Variants in CCSER1 observed in about 807,000 individuals in gnomAD.
The protein encoded by CCSER1 is serine-rich coiled-coil domain-containing protein 1.
In CCSER1, 41 loss-of-function variants were observed where a neutral mutation model predicts 82.0. That is an observed-to-expected ratio of 0.50 (90% confidence interval 0.39 to 0.65). The LOEUF is 0.65. Ranked by LOEUF, CCSER1 falls within the 30% of genes least tolerant of loss-of-function variation. CCSER1 has a pLI of 0.00. For synonymous variants in CCSER1, 414 were observed against 383.9 expected (o/e 1.08, Z -0.92); for missense variants, 1,119 against 1,064.2 (o/e 1.05, Z -0.72).
chr4:90,529,308 A>C (rs1774193348), intron 5 of CCSER1, among the ~76,000 whole-genome samples: 1 of 152,066 alleles, frequency 6.6e-6, no homozygotes, highest in African/African-American at 2.4e-5. Flanking sequence ...TCCGACTCTC[A>C]GGATCAAGTA....
At chr4:91,569,107 A>G (rs187104821) in intron 10 of CCSER1, among the ~76,000 whole-genome samples, 142 of 152,292 alleles carry the variant, frequency 9.3e-4, no homozygotes, top group Admixed American at 2.1e-3. Context: ...AAGGTGGTAC[A>G]TTAGTGAGGT....
chr4:90,267,373 G>T lies in CCSER1; in HGVS notation c.-41-40871G>T, dbSNP rs561717017. On this transcript the variant is annotated intron_variant, in intron 1 of 10. Transcript: ENST00000509176. ...CCTAAGGTTTCTGACTATAAGCACT[G>T]GCTCCTGGACAGCATCTCTGGACCC... is the stretch of plus-strand genomic sequence containing the variant. Among the ~76,000 whole-genome samples, 4 of 152,220 alleles carry T rather than the reference G, an allele frequency of 2.6e-5. 1 individual carries two copies. The highest frequency in any genetic ancestry group is 2.6e-4 in the Admixed American group (4 of 15,294).
chr4:90,707,815 C>T (rs1739694263), intron 6 of CCSER1, among the ~76,000 whole-genome samples: 1 of 152,066 alleles, frequency 6.6e-6, no homozygotes, highest in Admixed American at 6.6e-5. Flanking sequence ...AGCCACCTAC[C>T]TCAGGCAGCA....
intron 10 of CCSER1, among the ~76,000 whole-genome samples, chr4:91,534,251 T>C (rs570879533): frequency 1.3e-5 from 2 of 152,100 alleles, no homozygotes; most frequent in Non-Finnish European, 2.9e-5. Flanking sequence ...CTCTTAAATC[T>C]GCTATGTGCA....
chr4:91,353,003 G>T (rs1239966146), intron 10 of CCSER1, among the ~76,000 whole-genome samples: 1 of 152,180 alleles, frequency 6.6e-6, no homozygotes, highest in African/African-American at 2.4e-5. Flanking sequence ...AGATAGGGTG[G>T]CCAGGAAGTT....
intron 10 of CCSER1, among the ~76,000 whole-genome samples, chr4:91,187,968 C>T (rs931853030): frequency 6.6e-6 from 1 of 151,910 alleles, no homozygotes; most frequent in African/African-American, 2.4e-5. Flanking sequence ...TTAAATGTTG[C>T]TATGATAGTA....
chr4:90,665,354 T>C (rs934568996), intron 6 of CCSER1, among the ~76,000 whole-genome samples: 11 of 151,318 alleles, frequency 7.3e-5, no homozygotes, highest in Admixed American at 2.6e-4. Context: ...GACGGAGTCT[T>C]GCTGTCGCCC....
rs113809164 is a variant in CCSER1 at position 90,850,195 on chromosome 4, A to G, written c.2094+34350A>G. 6.0e-3 allele frequency among the ~76,000 whole-genome samples: 908 copies of G among 152,300 alleles called. 5 individuals are homozygous for G. The highest frequency in any genetic ancestry group is 0.021 in the African/African-American group (853 of 41,560). On this transcript the variant is annotated intron_variant, in intron 8 of 10. Coordinates refer to ENST00000509176, the MANE Select transcript of CCSER1 (RefSeq NM_001145065.2). The stretch of plus-strand genomic sequence containing the variant: ...AATTGAGGTTTGGGAACCTCTGCCT[A>G]GATTTCAGAGGATGTATGGAAACAC...
intron 6 of CCSER1, among the ~76,000 whole-genome samples, chr4:90,657,857 A>G (rs1041498858): frequency 6.6e-6 from 1 of 152,186 alleles, no homozygotes; most frequent in Admixed American, 6.5e-5. Flanking sequence ...TAATCCCAGC[A>G]CTTTGGGAGG....
At chr4:91,303,766 A>C (rs1008461021) in intron 10 of CCSER1, among the ~76,000 whole-genome samples, 1 of 152,084 alleles carries the variant, frequency 6.6e-6, no homozygotes, top group Non-Finnish European at 1.5e-5. Flanking sequence ...CTGCGCTCCA[A>C]CCTGGACAAT....
intron 5 of CCSER1, among the ~76,000 whole-genome samples, chr4:90,519,335 G>C (rs1006818368): frequency 3.3e-5 from 5 of 151,688 alleles, no homozygotes; most frequent in African/African-American, 1.2e-4. Flanking sequence ...TATTATAAAT[G>C]TTTTCCCAGA....
chr4:90,226,635 T>G (rs930826609), intron 1 of CCSER1, among the ~76,000 whole-genome samples: 13 of 152,238 alleles, frequency 8.5e-5, no homozygotes, highest in Non-Finnish European at 1.8e-4. Context: ...TATATTTAAC[T>G]TCAGTGTGAT....
intron 5 of CCSER1, among the ~76,000 whole-genome samples, chr4:90,607,944 G>A (rs983414104): frequency 1.3e-5 from 2 of 152,184 alleles, no homozygotes; most frequent in African/African-American, 4.8e-5. Flanking sequence ...TAACACATAA[G>A]CATACTGGAG....
chr4:91,550,979 A>G (rs186167492), intron 10 of CCSER1, among the ~76,000 whole-genome samples: 1 of 152,266 alleles, frequency 6.6e-6, no homozygotes, highest in East Asian at 1.9e-4. Flanking sequence ...TAAGAACATA[A>G]AGTATTTTCT....
At chr4:90,811,987 TATAAACAC>T (rs1377174130) in intron 7 of CCSER1, among the ~76,000 whole-genome samples, 1 of 123,536 alleles carries the variant, frequency 8.1e-6, no homozygotes, top group African/African-American at 3.3e-5. Context: ...TATATATATA[TATAAACAC>T]ATATATATAT....
At chr4:91,172,885 T>C (rs750632204) in intron 10 of CCSER1, among the ~76,000 whole-genome samples, 10 of 152,136 alleles carry the variant, frequency 6.6e-5, no homozygotes, top group Non-Finnish European at 1.3e-4. Context: ...ATATTAAACA[T>C]ACTGATATCT....
chr4:91,284,458 G>A (rs1743127833), intron 10 of CCSER1, among the ~76,000 whole-genome samples: 1 of 152,082 alleles, frequency 6.6e-6, no homozygotes, highest in Non-Finnish European at 1.5e-5. Flanking sequence ...ATAAATATAT[G>A]CACCTCGGCA....
chr4:90,787,340 A>G (rs910769332), intron 7 of CCSER1, among the ~76,000 whole-genome samples: 11 of 152,208 alleles, frequency 7.2e-5, no homozygotes, highest in Admixed American at 7.2e-4. Context: ...AAAAGACTGT[A>G]GCAAAGGCCA....
At chr4:91,069,950 A>C (rs1721251824) in intron 9 of CCSER1, among the ~76,000 whole-genome samples, 1 of 151,996 alleles carries the variant, frequency 6.6e-6, no homozygotes, top group Admixed American at 6.6e-5. Context: ...TCAATTTATA[A>C]TATAGAGTCA....
Sources: allele counts gnomAD v4.1 joint callset (sites outside exome capture counted in the v4.1 genomes callset), GRCh38; gene constraint gnomAD v4.1.1; transcripts MANE v1.5; gene names NCBI Gene and HGNC (gene_info 2026-07-23, HGNC 2026-07-21).